RPS6KA2: variants seen among roughly 807,000 people sequenced by gnomAD.
RPS6KA2 encodes the protein ribosomal protein S6 kinase alpha-2.
RPS6KA2 carries 42 observed loss-of-function variants against 91.8 expected under a neutral mutation model. The observed-to-expected ratio is 0.46, with a 90% confidence interval of 0.36 to 0.59. The LOEUF (loss-of-function observed/expected upper bound fraction) is 0.59. Ranked by LOEUF, RPS6KA2 falls within the 20% of genes least tolerant of loss-of-function variation. RPS6KA2 has a pLI of 0.00. For missense variants in RPS6KA2, 798 were observed against 978.5 expected (o/e 0.82, Z 2.46); for synonymous variants, 414 against 393.6 (o/e 1.05, Z -0.61).
At chr6:166,710,485 AGT>A (rs66993073) in intron 2 of RPS6KA2, among the ~76,000 whole-genome samples, 21,860 of 149,852 alleles carry the variant, frequency 0.15, 2,196 homozygotes, top group African/African-American at 0.3. Flanking sequence ...GTGTTGTGTG[AGT>A]GTGTGTGTGT....
chr6:166,450,664 TGGGGACCACCAC>T (rs1779876757), intron 13 of RPS6KA2, among the ~76,000 whole-genome samples: 2 of 124,098 alleles, frequency 1.6e-5, no homozygotes, highest in Non-Finnish European at 3.4e-5. Flanking sequence ...GAGACCACCA[TGGGGACCACCAC>T]AGGGACCACC....
At chr6:166,673,224 A>T (rs1019810175) in intron 2 of RPS6KA2, among the ~76,000 whole-genome samples, 21 of 152,188 alleles carry the variant, frequency 1.4e-4, no homozygotes, top group Non-Finnish European at 2.6e-4. Flanking sequence ...CCACGTGCAC[A>T]CAGACCCAGG....
chr6:166,429,274 T>C (rs1430896668), intron 16 of RPS6KA2, among the ~76,000 whole-genome samples: 3 of 103,074 alleles, frequency 2.9e-5, no homozygotes, highest in Non-Finnish European at 5.4e-5. Context: ...CATCATACTC[T>C]GGGGACTGTT....
intron 2 of RPS6KA2, among the ~76,000 whole-genome samples, chr6:166,664,590 T>C (rs948045196): frequency 1.4e-4 from 21 of 152,364 alleles, no homozygotes; most frequent in African/African-American, 5.0e-4. Flanking sequence ...ATGTTGTTTC[T>C]TGTAAGAATA....
At chr6:166,687,658 C>T (rs941659325) in intron 2 of RPS6KA2, among the ~76,000 whole-genome samples, 2 of 152,216 alleles carry the variant, frequency 1.3e-5, no homozygotes, top group African/African-American at 4.8e-5. Context: ...TTTTAATTTG[C>T]TCAGATGTGG....
rs538104966 is a variant in RPS6KA2, at chr6:166,637,891, C to T, written c.124-99107G>A. 3.9e-5 allele frequency among the ~76,000 whole-genome samples: 6 copies of T among 152,340 alleles called. No homozygotes were observed. In the South Asian group the frequency reaches 6.2e-4, roughly 16 times the overall value. On this transcript the variant is annotated intron_variant, in intron 2 of 21. Transcript: ENST00000503859. The stretch of plus-strand genomic sequence containing the variant: ...TCCCCAAAGTGGGGATCCAGCAGGG[C>T]GCTGCACTTGGCCTGAGGGCGGGGC...
chr6:166,814,605 G>C (rs905912708), intron 2 of RPS6KA2, among the ~76,000 whole-genome samples: 1 of 151,868 alleles, frequency 6.6e-6, no homozygotes, highest in African/African-American at 2.4e-5. Flanking sequence ...GGCAGCATTA[G>C]ATTTCATCTG....
upstream of RPS6KA2, among the ~76,000 whole-genome samples, chr6:166,629,518 C>T (rs535496512): frequency 5.3e-5 from 8 of 152,300 alleles, no homozygotes; most frequent in Middle Eastern, 3.4e-3. Flanking sequence ...GTAAAATACA[C>T]GTATACCAAA....
At chr6:166,745,665 C>T (rs1790981474) in intron 2 of RPS6KA2, among the ~76,000 whole-genome samples, 1 of 152,116 alleles carries the variant, frequency 6.6e-6, no homozygotes, top group Admixed American at 6.5e-5. Flanking sequence ...CCAATATTCA[C>T]TCAGAGAACG....
At position 166,533,214 on chromosome 6, in the gene RPS6KA2, C is replaced by T. The variant is rs1455717584; in HGVS notation, c.217-1901G>A. 3.9e-5 allele frequency among the ~76,000 whole-genome samples: 6 copies of T among 152,238 alleles called. No individual in the cohort carries two copies. Among genetic ancestry groups the T allele is most frequent in the African/African-American group, 1.4e-4 (6 of 41,464 alleles). On this transcript the variant is annotated intron_variant, in intron 2 of 20. Transcript: ENST00000265678. This position sits in a 1 kb window ranked among gnomAD's most constrained non-coding sequence, Gnocchi z 4.0. ...AGTCACATGCCATGCACAGTTTTAG[C>T]TTCCATCTGATGCAACTCCTTTCAT...
At position 166,702,639 on chromosome 6, in the gene RPS6KA2, G is replaced by A. The variant is rs1583033260; in HGVS notation, c.123+155561C>T. 16 of 1,571,620 alleles carry A rather than the reference G, an allele frequency of 1.0e-5. No homozygotes were observed. The East Asian group carries it at 3.6e-4, about 35-fold the overall frequency. Reference sequence around the variant, plus strand: ...TTGGGACCGAGTGCTCAACTTCTATGGGTTTCCCGTGCAGTTCTATTTTAC... The same window carrying A: ...TTGGGACCGAGTGCTCAACTTCTATAGGTTTCCCGTGCAGTTCTATTTTAC... On this transcript the variant is annotated intron_variant, in intron 2 of 21. Coordinates refer to the RPS6KA2 transcript ENST00000503859.
intron 2 of RPS6KA2, among the ~76,000 whole-genome samples, chr6:166,844,259 A>G (rs1399270775): frequency 2.0e-5 from 3 of 152,210 alleles, no homozygotes; most frequent in Non-Finnish European, 2.9e-5. Context: ...AAAAGCTCCA[A>G]GAAGCTTGGG....
chr6:166,697,342 A>G (rs1053767472), intron 2 of RPS6KA2, among the ~76,000 whole-genome samples: 5 of 152,214 alleles, frequency 3.3e-5, no homozygotes, highest in African/African-American at 1.2e-4. Context: ...CTGTGGCAGA[A>G]TGTCCCCTGG....
chr6:166,712,125 A>G (rs1789879411), intron 2 of RPS6KA2, among the ~76,000 whole-genome samples: 2 of 152,192 alleles, frequency 1.3e-5, no homozygotes, highest in South Asian at 4.1e-4. Context: ...GGCTGGACCT[A>G]GGTAAGAGGT....
chr6:166,755,247 C>T (rs780395862), intron 2 of RPS6KA2, among the ~76,000 whole-genome samples: 1 of 152,098 alleles, frequency 6.6e-6, no homozygotes, highest in Non-Finnish European at 1.5e-5. Context: ...AGTGTGGATT[C>T]CCAGTAGGAG....
chr6:166,840,400 C>T (rs1163085550), intron 2 of RPS6KA2, among the ~76,000 whole-genome samples: 1 of 152,210 alleles, frequency 6.6e-6, no homozygotes, highest in Non-Finnish European at 1.5e-5. Context: ...TGCCCGGGGA[C>T]CCTCTGTGGC....
intron 2 of RPS6KA2, among the ~76,000 whole-genome samples, chr6:166,783,089 ATTATTATTATTG>A (rs1562436448): frequency 3.0e-5 from 2 of 67,336 alleles, no homozygotes; most frequent in South Asian, 5.0e-4. Flanking sequence ...TATTATTATT[ATTATTATTATTG>A]TTTTTGAGAC....
chr6:166,786,690 GA>G (rs943158412), intron 2 of RPS6KA2, among the ~76,000 whole-genome samples: 10 of 151,804 alleles, frequency 6.6e-5, no homozygotes, highest in African/African-American at 1.2e-4. Context: ...ATCACAGGAG[GA>G]AAAAAATGCT....
chr6:166,453,108 G>A (rs1206478627), intron 12 of RPS6KA2, among the ~76,000 whole-genome samples: 3 of 152,008 alleles, frequency 2.0e-5, no homozygotes, highest in Admixed American at 2.0e-4. Flanking sequence ...GGCTGAGGCA[G>A]GAGAATTGCA....
Sources: gnomAD v4.1 joint callset for allele counts (sites outside exome capture counted in the v4.1 genomes callset) on GRCh38, gnomAD v4.1.1 for gene constraint, Gnocchi (gnomAD v3.1) non-coding constraint, MANE v1.5 for transcripts, NCBI Gene and HGNC (gene_info 2026-07-23, HGNC 2026-07-21) for gene names.